The following WRN variants were observed in gnomAD, a reference collection of about 807,000 sequenced individuals.
WRN encodes the protein bifunctional 3'-5' exonuclease/ATP-dependent helicase WRN.
A neutral mutation model predicts 180.7 loss-of-function variants in WRN; 149 were observed. The ratio of observed to expected loss-of-function variants is 0.82; its 90% CI spans 0.72 to 0.94. The LOEUF (loss-of-function observed/expected upper bound fraction) is 0.94, where lower values mean the gene tolerates loss of function less well. WRN is among the 40% of genes least tolerant of loss of function. The pLI is 0.00. For missense variants in WRN, 1,661 were observed against 1,700.1 expected (o/e 0.98, Z 0.40); for synonymous variants, 548 against 568.9 (o/e 0.96, Z 0.52).
In WRN at chr8:31,044,081, G is replaced by A. The variant is rs140060550; in HGVS notation, c.-77+10108G>A. On this transcript the variant is annotated intron_variant, in intron 1 of 34. Coordinates refer to ENST00000298139, the MANE Select transcript of WRN (RefSeq NM_000553.6). ...TTTTTAGACGGAGTCTCACTCTGTC[G>A]CCCAGGCTGGAGTGCAGTGGCACAA... Among the ~76,000 whole-genome samples the A allele has an allele frequency of 2.4e-3, 365 of 151,276 alleles. 1 individual carries two copies. Among genetic ancestry groups the A allele is most frequent in the African/African-American group, 8.6e-3 (355 of 41,180 alleles).
chr8:31,134,203 G>A (rs1802304146), intron 24 of WRN, among the ~76,000 whole-genome samples: 1 of 151,848 alleles, frequency 6.6e-6, no homozygotes, highest in Admixed American at 6.6e-5. Flanking sequence ...TAAAATTATC[G>A]TTATAATTCC....
intron 10 of WRN, among the ~76,000 whole-genome samples, chr8:31,084,166 T>C (rs918210731): frequency 1.3e-5 from 2 of 152,070 alleles, no homozygotes; most frequent in Non-Finnish European, 2.9e-5. Context: ...GCCCGGCTAA[T>C]TTTTATAGTT....
intron 18 of WRN, among the ~76,000 whole-genome samples, chr8:31,106,414 G>C (rs1189376983): frequency 2.6e-5 from 4 of 152,026 alleles, no homozygotes; most frequent in Non-Finnish European, 5.9e-5. Context: ...CTTATGATGA[G>C]TTACCGATCC....
At chr8:31,038,604 T>A (rs1275090873) in intron 1 of WRN, among the ~76,000 whole-genome samples, 1 of 152,186 alleles carries the variant, frequency 6.6e-6, no homozygotes, top group Non-Finnish European at 1.5e-5. Flanking sequence ...TTACCTATGC[T>A]TTTGGCATCA....
chr8:31,092,613 G>GTA (rs1813795050), intron 16 of WRN, among the ~76,000 whole-genome samples: 1 of 151,316 alleles, frequency 6.6e-6, no homozygotes, highest in African/African-American at 2.4e-5. Context: ...CTTTCTTTAC[G>GTA]TATATATTAG....
At position 31,173,099 on chromosome 8, in the gene WRN, T is replaced by G. The variant is rs1457681720; in HGVS notation, c.4296T>G (p.Ser1432Arg). ...MDKTKRGGLF[S>R] ...AAACGAAAAGGGGAGGTCTTTTTAGTTAAGCTGGCAATTACCAGAACAATT... is the reference window on the plus strand; with the variant it reads ...AAACGAAAAGGGGAGGTCTTTTTAGGTAAGCTGGCAATTACCAGAACAATT... Residue 1432 changes from serine (S) to arginine (R), a missense_variant, in exon 35 of 35, where the codon AGT becomes AGG. Physicochemically the swap from Ser to Arg is moderately radical, Grantham distance 110. Around this residue, in one of 3 missense-constraint regions of WRN, gnomAD observed 1,141 missense variants for 1,149.4 expected, o/e 0.99. Transcript: ENST00000298139. 9 of 1,613,358 alleles carry G rather than the reference T, an allele frequency of 5.6e-6. No homozygotes were observed. Among genetic ancestry groups the G allele is most frequent in the South Asian group, 4.4e-5 (4 of 91,066 alleles).
intron 4 of WRN, 68 bp from the exon 5 acceptor site, chr8:31,064,847 T>A: frequency 6.5e-7 from 1 of 1,545,328 alleles, no homozygotes; most frequent in Non-Finnish European, 8.9e-7. Context: ...ACATGGTATG[T>A]ATAAGAAGTA....
intron 23 of WRN, among the ~76,000 whole-genome samples, chr8:31,126,189 C>A (rs2130350784): frequency 6.6e-6 from 1 of 152,162 alleles, no homozygotes; most frequent in South Asian, 2.1e-4. Flanking sequence ...TTCTACCCAA[C>A]AACAGTAGAG....
intron 18 of WRN, 77 bp from the exon 19 acceptor site, chr8:31,111,538 C>T (rs1801314576): frequency 6.4e-7 from 1 of 1,552,818 alleles, no homozygotes; most frequent in East Asian, 2.3e-5. Context: ...CTACCAGTCT[C>T]TTTGTAAGAA....
intron 24 of WRN, among the ~76,000 whole-genome samples, chr8:31,136,192 T>C (rs1310816124): frequency 6.6e-6 from 1 of 152,146 alleles, no homozygotes. Flanking sequence ...AGGGTCTCCC[T>C]ATGTTTCCCA....
At chr8:31,062,989 C>A (rs1401937320) in intron 3 of WRN, among the ~76,000 whole-genome samples, 2 of 151,980 alleles carry the variant, frequency 1.3e-5, no homozygotes, top group Admixed American at 1.3e-4. Flanking sequence ...TGCTGCCATG[C>A]CTGGCTAATT....
At chr8:31,146,046 A>G (rs1802845259) in intron 28 of WRN, among the ~76,000 whole-genome samples, 3 of 151,908 alleles carry the variant, frequency 2.0e-5, no homozygotes. Flanking sequence ...TATGACAAGC[A>G]TACCAGCCCA....
At chr8:31,076,017 G>T (rs1764592849) in intron 7 of WRN, among the ~76,000 whole-genome samples, 156 bp from the exon 8 acceptor site, 1 of 152,174 alleles carries the variant, frequency 6.6e-6, no homozygotes, top group African/African-American at 2.4e-5. Context: ...GAAAGTGATT[G>T]AGGCAATTTG....
chr8:31,135,434 C>T (rs2130388098), intron 24 of WRN, among the ~76,000 whole-genome samples: 1 of 152,002 alleles, frequency 6.6e-6, no homozygotes, highest in South Asian at 2.1e-4. Flanking sequence ...CACTGTATTA[C>T]ATTTTGTGGG....
At chr8:31,153,919 C>T (rs1419883634) in intron 31 of WRN, among the ~76,000 whole-genome samples, 1 of 151,948 alleles carries the variant, frequency 6.6e-6, no homozygotes, top group Non-Finnish European at 1.5e-5. Context: ...AGAGACGAGG[C>T]TCTTCTTTAA....
chr8:31,146,937 A>T (rs1158138845), intron 28 of WRN, 116 bp from the exon 29 acceptor site: 2 of 834,060 alleles, frequency 2.4e-6, no homozygotes, highest in Admixed American at 2.6e-5. Context: ...TACTGGTATC[A>T]TGAAGAATAA....
intron 1 of WRN, among the ~76,000 whole-genome samples, chr8:31,057,551 A>G (rs985997502): frequency 6.6e-6 from 1 of 152,130 alleles, no homozygotes; most frequent in African/African-American, 2.4e-5. Context: ...AGCCTGGGCG[A>G]CACAGCAAGA....
At chr8:31,067,234 A>C in intron 6 of WRN, 52 bp downstream of exon 6, 4 of 1,599,766 alleles carry the variant, frequency 2.5e-6, no homozygotes. Flanking sequence ...AAACATTATT[A>C]TAAATGACTT....
rs11574275 is a variant in WRN at position 31,101,076 on chromosome 8, A to T, written c.2088+121A>T. 4.9e-3 allele frequency: 3,968 copies of T among 810,928 alleles called. 95 individuals are homozygous for T. In the African/African-American group the frequency reaches 0.06, roughly 12 times the overall value. 50.2% of individuals were successfully genotyped at this position (810,928 alleles called of 1,614,324 possible). On this transcript the variant is annotated intron_variant, in intron 18 of 34. Coordinates refer to ENST00000298139, the MANE Select transcript of WRN (RefSeq NM_000553.6). ...AAAAGAGCAAATGGATAATGTAAAA[A>T]GAGAACTATTTTTTTAAAAATGCTA...
Sources: allele counts gnomAD v4.1 joint callset (sites outside exome capture counted in the v4.1 genomes callset), GRCh38; gene constraint gnomAD v4.1.1; regional missense constraint gnomAD v4.1.1; transcripts MANE v1.5; gene names NCBI Gene and HGNC (gene_info 2026-07-23, HGNC 2026-07-21).